The following ANO2 variants were observed in gnomAD, a reference collection of about 807,000 sequenced individuals.
The protein encoded by ANO2 is anoctamin 2.
ANO2 carries 101 observed loss-of-function variants against 124.2 expected under a neutral mutation model. The ratio of observed to expected loss-of-function variants is 0.81; its 90% CI spans 0.69 to 0.96. The LOEUF is 0.96. Ranked by LOEUF, ANO2 falls within the 40% of genes least tolerant of loss-of-function variation. The probability of loss-of-function intolerance (pLI) is 0.00; values close to 1 mark genes in which losing one functional copy is unlikely to be tolerated. For synonymous variants in ANO2, 486 were observed against 482.5 expected (o/e 1.01, Z -0.09); for missense variants, 1,293 against 1,274.5 (o/e 1.01, Z -0.22).
intron 3 of ANO2, among the ~76,000 whole-genome samples, chr12:5,888,509 C>T (rs560944761): frequency 6.6e-6 from 1 of 152,318 alleles, no homozygotes; most frequent in African/African-American, 2.4e-5. Context: ...GTCTATTTTA[C>T]AGAGAGCTGA....
intron 3 of ANO2, among the ~76,000 whole-genome samples, chr12:5,901,131 T>G (rs2136281375): frequency 6.6e-6 from 1 of 152,268 alleles, no homozygotes; most frequent in African/African-American, 2.4e-5. Flanking sequence ...CCTGGAGATG[T>G]TAGCAAACCC....
At chr12:5,645,320 C>T (rs911933916) in intron 15 of ANO2, among the ~76,000 whole-genome samples, 3 of 151,940 alleles carry the variant, frequency 2.0e-5, no homozygotes, top group African/African-American at 7.3e-5. Context: ...ACCCGGGGGG[C>T]GGAGGTTGCA....
chr12:5,735,803 G>A (rs534219732), intron 13 of ANO2, among the ~76,000 whole-genome samples: 8 of 152,318 alleles, frequency 5.3e-5, no homozygotes, highest in South Asian at 2.1e-4. Flanking sequence ...TCTAAGCAAG[G>A]AGGAGAATGA....
chr12:5,902,215 T>G (rs545023028), intron 3 of ANO2, among the ~76,000 whole-genome samples: 1 of 152,274 alleles, frequency 6.6e-6, no homozygotes, highest in South Asian at 2.1e-4. Flanking sequence ...GGTTGCTTAT[T>G]CACTTTTTTA....
At chr12:5,624,757 G>A (rs1020307575) in intron 16 of ANO2, among the ~76,000 whole-genome samples, 3 of 152,184 alleles carry the variant, frequency 2.0e-5, no homozygotes, top group Admixed American at 6.5e-5. Context: ...AACTGCAACC[G>A]TTTTAGATTT....
intron 3 of ANO2, among the ~76,000 whole-genome samples, chr12:5,882,142 G>GC (rs1260041360): frequency 6.6e-6 from 1 of 152,168 alleles, no homozygotes. Flanking sequence ...ACAGTCAAAA[G>GC]CATTTCTAGG....
At chr12:5,800,616 G>A (rs892207135) in intron 9 of ANO2, among the ~76,000 whole-genome samples, 8 of 152,214 alleles carry the variant, frequency 5.3e-5, no homozygotes, top group Admixed American at 5.2e-4. Context: ...TGCTGGATTG[G>A]ATGTGGGATG....
intron 3 of ANO2, among the ~76,000 whole-genome samples, chr12:5,920,350 G>C (rs1941628052): frequency 6.6e-6 from 1 of 152,108 alleles, no homozygotes; most frequent in Admixed American, 6.5e-5. Flanking sequence ...AATTCAACAA[G>C]GAAACTAGGT....
At chr12:5,880,784 A>T (rs1938432202) in intron 3 of ANO2, among the ~76,000 whole-genome samples, 1 of 143,520 alleles carries the variant, frequency 7.0e-6, no homozygotes, top group Non-Finnish European at 1.5e-5. Context: ...AGATGGATGA[A>T]GAGATGGATA....
intron 16 of ANO2, among the ~76,000 whole-genome samples, chr12:5,616,534 A>C (rs774386701): frequency 1.3e-5 from 2 of 152,198 alleles, no homozygotes; most frequent in Non-Finnish European, 2.9e-5. Context: ...AGGTAGAAGA[A>C]AAGCACTAAT....
intron 14 of ANO2, among the ~76,000 whole-genome samples, chr12:5,686,441 G>T (rs945860667): frequency 6.6e-6 from 1 of 152,178 alleles, no homozygotes; most frequent in Non-Finnish European, 1.5e-5. Context: ...GGGAGACAAA[G>T]ATAAAGCTGA....
chr12:5,730,212 A>ATATATAAAAATATGCATATTGAATTGTG (rs1950581568), intron 14 of ANO2, among the ~76,000 whole-genome samples: 2 of 152,190 alleles, frequency 1.3e-5, no homozygotes, highest in Admixed American at 6.5e-5. Context: ...TGAATTGTGC[A>ATATATAAAAATATGCATATTGAATTGTG]CTTTAAATGG....
chr12:5,826,044 T>C (rs1272156620), intron 7 of ANO2, among the ~76,000 whole-genome samples: 3 of 152,362 alleles, frequency 2.0e-5, no homozygotes, highest in East Asian at 3.9e-4. Context: ...TGTTTGTGCA[T>C]GTATACACTT....
chr12:5,798,741 G>T (rs572770866), intron 10 of ANO2, among the ~76,000 whole-genome samples: 1 of 152,316 alleles, frequency 6.6e-6, no homozygotes. Context: ...ATTGGGGCTT[G>T]CCCAAAGAAA....
At chr12:5,903,914 C>T (rs1229884074) in intron 3 of ANO2, among the ~76,000 whole-genome samples, 1 of 152,116 alleles carries the variant, frequency 6.6e-6, no homozygotes, top group African/African-American at 2.4e-5. Flanking sequence ...AGGGGTGACC[C>T]AGAATGCAAG....
chr12:5,686,121 G>A (rs1327691825), intron 14 of ANO2, among the ~76,000 whole-genome samples: 2 of 152,170 alleles, frequency 1.3e-5, no homozygotes, highest in Non-Finnish European at 2.9e-5. Context: ...CCAGGGGCAA[G>A]TCCCGGGTAG....
chr12:5,792,862 G>A (rs1016815432), intron 10 of ANO2, among the ~76,000 whole-genome samples: 4 of 152,070 alleles, frequency 2.6e-5, no homozygotes, highest in Admixed American at 1.3e-4. Flanking sequence ...CATCATCTCC[G>A]TATCCCCAGG....
At chr12:5,876,192 T>A (rs1372724762) in intron 3 of ANO2, among the ~76,000 whole-genome samples, 1 of 152,214 alleles carries the variant, frequency 6.6e-6, no homozygotes, top group Non-Finnish European at 1.5e-5. Flanking sequence ...TTATTTTAAT[T>A]ACTTCACCTG....
intron 14 of ANO2, among the ~76,000 whole-genome samples, chr12:5,682,669 A>G (rs1287909921): frequency 6.6e-6 from 1 of 152,178 alleles, no homozygotes; most frequent in African/African-American, 2.4e-5. Context: ...GAAGACAGTT[A>G]AGCTCAGAAA....
Sources: gnomAD v4.1 joint callset for allele counts (sites outside exome capture counted in the v4.1 genomes callset) on GRCh38, gnomAD v4.1.1 for gene constraint, MANE v1.5 for transcripts, NCBI Gene and HGNC (gene_info 2026-07-23, HGNC 2026-07-21) for gene names.